Variants in FAM219A observed in about 807,000 individuals in gnomAD.
FAM219A encodes the protein family with sequence similarity 219 member A, also known as protein FAM219A.
In FAM219A, 7 loss-of-function variants were observed where a neutral mutation model predicts 23.4. The ratio of observed to expected loss-of-function variants is 0.30; its 90% CI spans 0.17 to 0.56. The LOEUF is 0.56. Ranked by LOEUF, FAM219A falls within the 20% of genes least tolerant of loss-of-function variation. The probability of loss-of-function intolerance (pLI) is 0.92; values close to 1 mark genes in which losing one functional copy is unlikely to be tolerated. For synonymous variants in FAM219A, 93 were observed against 99.0 expected (o/e 0.94, Z 0.36); for missense variants, 166 against 246.9 (o/e 0.67, Z 2.20).
chr9:34,449,774 A>G (rs996160951), intron 1 of FAM219A, among the ~76,000 whole-genome samples: 3 of 152,230 alleles, frequency 2.0e-5, no homozygotes. Flanking sequence ...GAATTAAACA[A>G]AGTTGAAAAG....
At chr9:34,426,240 A>T (rs1196550420) in intron 1 of FAM219A, among the ~76,000 whole-genome samples, 1 of 152,226 alleles carries the variant, frequency 6.6e-6, no homozygotes, top group African/African-American at 2.4e-5. Context: ...CTCCAATGAA[A>T]ACATCCCGAA....
intron 1 of FAM219A, among the ~76,000 whole-genome samples, chr9:34,452,004 G>C (rs1351379183): frequency 6.6e-6 from 1 of 152,166 alleles, no homozygotes; most frequent in African/African-American, 2.4e-5. Flanking sequence ...TGACTAGAAC[G>C]ATGGTAAAAG....
intron 1 of FAM219A, among the ~76,000 whole-genome samples, chr9:34,450,034 G>A (rs112738246): frequency 3.1e-4 from 47 of 152,296 alleles, no homozygotes; most frequent in African/African-American, 1.1e-3. Context: ...GAACTAGGTC[G>A]GGCGTGGTGG....
At chr9:34,433,874 T>C (rs1822800835) in intron 1 of FAM219A, among the ~76,000 whole-genome samples, 1 of 152,192 alleles carries the variant, frequency 6.6e-6, no homozygotes, top group Admixed American at 6.5e-5. Context: ...CCGACTCTCC[T>C]CTGCCCTCCC....
At chr9:34,402,335 G>A (rs1174870491) in intron 4 of FAM219A, 52 bp downstream of exon 4, 4 of 1,614,006 alleles carry the variant, frequency 2.5e-6, no homozygotes, top group Admixed American at 3.3e-5. Flanking sequence ...GCCCACTTGT[G>A]CTATACAGGT....
At position 34,421,001 on chromosome 9, in the gene FAM219A, T is replaced by TGAGAGAGA. The variant is rs1330963914; in HGVS notation, c.61-15038_61-15037insTCTCTCTC. The stretch of plus-strand genomic sequence containing the variant: ...GTGTGTGTGTGTGTGTATGTGTGTG[T>TGAGAGAGA]GTGTGTGTGAGAGAGAGAGAGAGAG... On this transcript the variant is annotated intron_variant, in intron 1 of 5. Transcript: ENST00000651358. Among the ~76,000 whole-genome samples the TGAGAGAGA allele has an allele frequency of 2.9e-3, 178 of 60,738 alleles. 1 individual carries two copies. The highest frequency in any genetic ancestry group is 0.012 in the African/African-American group (169 of 14,634). The allele number at this position is 60,738 out of a possible 152,430, so 39.8% of individuals were successfully genotyped here. A position where few individuals can be genotyped will look rare whatever the true frequency, so the allele number is the denominator to read the frequency against.
At position 34,406,561 on chromosome 9, in the gene FAM219A, G is replaced by A. The variant is rs7873136; in HGVS notation, c.61-597C>T. ...CAAATGACACCTAAAGAGTGTCTCC[G>A]GGGAGAACCTGAAAAGTTGGCTAGG... On this transcript the variant is annotated intron_variant, in intron 1 of 5. Transcript: ENST00000651358. 29 of 894,332 alleles carry A rather than the reference G, an allele frequency of 3.2e-5. No homozygotes were observed. The East Asian group carries it at 1.1e-3, about 33-fold the overall frequency. 55.4% of individuals were successfully genotyped at this position (894,332 alleles called of 1,614,324 possible).
chr9:34,414,788 A>G (rs1389551299), intron 1 of FAM219A, among the ~76,000 whole-genome samples: 1 of 152,224 alleles, frequency 6.6e-6, no homozygotes, highest in African/African-American at 2.4e-5. Flanking sequence ...TTATCAGTCT[A>G]AATCTCCCAA....
At chr9:34,441,697 A>G (rs1372952625) in intron 1 of FAM219A, among the ~76,000 whole-genome samples, 1 of 152,144 alleles carries the variant, frequency 6.6e-6, no homozygotes, top group African/African-American at 2.4e-5. Context: ...CAAGGGCTGT[A>G]AAAACATTAG....
chr9:34,401,741 G>A (rs761351542), intron 4 of FAM219A, 21 bp from the exon 5 acceptor site: 15 of 1,602,654 alleles, frequency 9.4e-6, no homozygotes, highest in Non-Finnish European at 1.2e-5. Flanking sequence ...AGGAAAGAGA[G>A]GGAAAGTGAT....
At chr9:34,436,736 G>A (rs1490112884) in intron 1 of FAM219A, among the ~76,000 whole-genome samples, 1 of 151,996 alleles carries the variant, frequency 6.6e-6, no homozygotes, top group Non-Finnish European at 1.5e-5. Flanking sequence ...AAGTACTTGG[G>A]TTTTGAATTT....
chr9:34,416,392 A>G (rs910862175), intron 1 of FAM219A, among the ~76,000 whole-genome samples: 5 of 152,066 alleles, frequency 3.3e-5, no homozygotes, highest in Non-Finnish European at 7.4e-5. Flanking sequence ...TCTTAGCTTC[A>G]GTTGGGTTTT....
chr9:34,416,808 A>ATGT (rs60995496), intron 1 of FAM219A, among the ~76,000 whole-genome samples: 3,466 of 113,540 alleles, frequency 0.031, 204 homozygotes, highest in East Asian at 0.13. Flanking sequence ...TCAGCTCTCC[A>ATGT]TTTTTTTTTT....
In FAM219A at chr9:34,405,881, C is replaced by T. The variant is rs749745396; in HGVS notation, c.144G>A (p.Pro48=). Residue 48 remains proline (P), a synonymous_variant, in exon 2 of 6, where the codon CCG becomes CCA. Transcript: ENST00000651358. Reference sequence around the variant, plus strand: ...CACACTCACCCAGCTTCACTTGGAGCGGGGATGGTTTGTAATTCATGGCTA... The same window carrying T: ...CACACTCACCCAGCTTCACTTGGAGTGGGGATGGTTTGTAATTCATGGCTA... ...ESVAMNYKPS[P]LQVKLEKQRE... is the part of the protein sequence containing the mutation. 1.1e-5 allele frequency: 18 copies of T among 1,613,882 alleles called. No homozygotes were observed. The highest frequency in any genetic ancestry group is 6.7e-5 in the African/African-American group (5 of 74,898).
rs1821466201 is a variant in FAM219A, at chr9:34,402,168, G to C, written c.344+219C>G. On this transcript the variant is annotated intron_variant, in intron 4 of 5. Coordinates refer to ENST00000651358, the MANE Select transcript of FAM219A (RefSeq NM_001184940.2). Reference sequence around the variant, plus strand: ...TTGGATCAGTTGTCCCAGGATGACAGCAGACAACGCAGGCCCCCCTTTCCT... The same window carrying C: ...TTGGATCAGTTGTCCCAGGATGACACCAGACAACGCAGGCCCCCCTTTCCT... 4.1e-6 allele frequency: 6 copies of C among 1,473,920 alleles called. No homozygotes were observed. The Admixed American group carries it at 1.2e-4, about 28-fold the overall frequency. The allele number at this position is 1,473,920 out of a possible 1,614,324, so 91.3% of individuals were successfully genotyped here.
chr9:34,398,349 G>C lies in FAM219A; in HGVS notation c.*2615C>G. Reference sequence around the variant, plus strand: ...AGTGAGCACGGAGAAACCTGGCTGGGTGGCAGCCACAGCTGAGAGAGGAGG... The same window carrying C: ...AGTGAGCACGGAGAAACCTGGCTGGCTGGCAGCCACAGCTGAGAGAGGAGG... On this transcript the variant is annotated 3_prime_UTR_variant, in exon 6 of 6. Transcript: ENST00000651358. The C allele has an allele frequency of 6.4e-7, 1 of 1,550,666 alleles. No homozygotes were observed. Among genetic ancestry groups the C allele is most frequent in the South Asian group, 1.2e-5 (1 of 84,056 alleles).
intron 1 of FAM219A, among the ~76,000 whole-genome samples, chr9:34,450,181 C>T (rs760231104): frequency 1.2e-4 from 18 of 151,730 alleles, no homozygotes; most frequent in South Asian, 4.2e-4. Flanking sequence ...GGTATGGTGG[C>T]GCGTGAATGT....
At chr9:34,424,971 A>T (rs1297341590) in intron 1 of FAM219A, among the ~76,000 whole-genome samples, 2 of 151,750 alleles carry the variant, frequency 1.3e-5, no homozygotes, top group South Asian at 4.2e-4. Context: ...CACCCAGCTA[A>T]TTTTTTGTAG....
chr9:34,425,385 C>T (rs1015701754), intron 1 of FAM219A, among the ~76,000 whole-genome samples: 1 of 152,106 alleles, frequency 6.6e-6, no homozygotes, highest in Non-Finnish European at 1.5e-5. Flanking sequence ...GAGGCTGAGG[C>T]AGGAGAATCT....
Sources: allele counts gnomAD v4.1 joint callset (sites outside exome capture counted in the v4.1 genomes callset), GRCh38; gene constraint gnomAD v4.1.1; transcripts MANE v1.5; gene names NCBI Gene and HGNC (gene_info 2026-07-23, HGNC 2026-07-21).